The following STPG1 variants were observed in gnomAD, a reference collection of about 807,000 sequenced individuals.
The protein encoded by STPG1 is sperm tail PG-rich repeat containing 1.
STPG1 carries 33 observed loss-of-function variants against 40.1 expected under a neutral mutation model. That is an observed-to-expected ratio of 0.82 (90% confidence interval 0.62 to 1.10). The LOEUF (loss-of-function observed/expected upper bound fraction) is 1.10. Ranked by LOEUF, STPG1 falls within the 50% of genes least tolerant of loss-of-function variation. The pLI is 0.00. For synonymous variants in STPG1, 150 were observed against 155.0 expected (o/e 0.97, Z 0.24); for missense variants, 396 against 415.1 (o/e 0.95, Z 0.40).
At chr1:24,358,645 C>T (rs775524801) in intron 8 of STPG1, 26 bp from the exon 9 acceptor site, 22 of 1,582,940 alleles carry the variant, frequency 1.4e-5, no homozygotes, top group Non-Finnish European at 1.9e-5. Context: ...GAGGCGGAGG[C>T]ATTAAGAGAG....
intron 2 of STPG1, among the ~76,000 whole-genome samples, chr1:24,393,205 G>A (rs1410077519): frequency 6.6e-6 from 1 of 152,204 alleles, no homozygotes; most frequent in East Asian, 1.9e-4. Context: ...CCTCTAGTAA[G>A]TGCTCAATAA....
At position 24,359,166 on chromosome 1, in the gene STPG1, G is replaced by A. The variant is rs914730541; in HGVS notation, c.929-547C>T. On this transcript the variant is annotated intron_variant, in intron 8 of 8. Coordinates refer to ENST00000337248, the MANE Select transcript of STPG1 (RefSeq NM_001199013.2). This position sits in a 1 kb window ranked among gnomAD's most constrained non-coding sequence, Gnocchi z 5.3. ...AGCCCATGGTAGTCCAGGTATACCTGAGTTTACTGGAAGCTGAGCAGGCAG... is the reference window on the plus strand; with the variant it reads ...AGCCCATGGTAGTCCAGGTATACCTAAGTTTACTGGAAGCTGAGCAGGCAG... 6.6e-6 allele frequency among the ~76,000 whole-genome samples: 1 copy of A among 152,200 alleles called. No homozygotes were observed. Among genetic ancestry groups the A allele is most frequent in the African/African-American group, 2.4e-5 (1 of 41,456 alleles).
intron 7 of STPG1, chr1:24,364,446 C>T: frequency 6.9e-7 from 1 of 1,440,194 alleles, no homozygotes; most frequent in Non-Finnish European, 9.1e-7. Flanking sequence ...AGTATGTGGC[C>T]CCTGAATACA....
At chr1:24,381,934 G>A (rs1642303102) in intron 4 of STPG1, among the ~76,000 whole-genome samples, 2 of 152,172 alleles carry the variant, frequency 1.3e-5, no homozygotes, top group Admixed American at 1.3e-4. Flanking sequence ...GATCGCCATC[G>A]ACCACTTCAG....
At chr1:24,391,796 C>A (rs999583404) in intron 2 of STPG1, 117 bp from the exon 3 acceptor site, 1 of 1,195,060 alleles carries the variant, frequency 8.4e-7, no homozygotes, top group Non-Finnish European at 1.1e-6. Context: ...GAGAAACTTG[C>A]CTTTTGACAG....
rs1047997404 is a variant in STPG1, at chr1:24,392,064, T to C, written c.71-385A>G. On this transcript the variant is annotated intron_variant, in intron 2 of 8. Transcript: ENST00000337248. The stretch of plus-strand genomic sequence containing the variant: ...CAGAGGAAGCGTCCTCACTGCTCCT[T>C]GGCCTAGATTCAGACACCAGCATTA... The C allele has an allele frequency of 4.0e-6, 4 of 997,564 alleles. No homozygotes were observed. The African/African-American group carries it at 5.2e-5, about 13-fold the overall frequency. 61.8% of individuals were successfully genotyped at this position (997,564 alleles called of 1,614,324 possible).
intron 3 of STPG1, chr1:24,391,291 T>C (rs1244794002): frequency 8.1e-6 from 2 of 248,122 alleles, no homozygotes; most frequent in Non-Finnish European, 1.5e-5. Context: ...TTTTAAAATA[T>C]ATTGTTTTCT....
rs1569943716 is a variant in STPG1, at chr1:24,357,583, G to T, written c.*960C>A. On this transcript the variant is annotated 3_prime_UTR_variant, in exon 9 of 9. Coordinates refer to ENST00000337248, the MANE Select transcript of STPG1 (RefSeq NM_001199013.2). ...GAACCACTTCTCTGGAGAGGCCACAGTTGTACAGGCCTTGGAGGCTTTGTA... is the reference window on the plus strand; with the variant it reads ...GAACCACTTCTCTGGAGAGGCCACATTTGTACAGGCCTTGGAGGCTTTGTA... 6.3e-6 allele frequency: 1 copy of T among 158,574 alleles called. No homozygotes were observed. The highest frequency in any genetic ancestry group is 2.4e-5 in the African/African-American group (1 of 41,512). 9.8% of individuals were successfully genotyped at this position (158,574 alleles called of 1,614,324 possible). A position where few individuals can be genotyped will look rare whatever the true frequency, so the allele number is the denominator to read the frequency against.
At chr1:24,364,086 A>G in intron 7 of STPG1, 1 of 1,429,548 alleles carries the variant, frequency 7.0e-7, no homozygotes, top group Non-Finnish European at 9.2e-7. Context: ...AACACAGTTC[A>G]GCAACTCCAT....
intron 2 of STPG1, among the ~76,000 whole-genome samples, chr1:24,394,713 A>G (rs1452280758): frequency 1.3e-5 from 2 of 152,192 alleles, no homozygotes; most frequent in Non-Finnish European, 2.9e-5. Flanking sequence ...TGAGATGAAT[A>G]GCAAATTAGA....
In STPG1 at chr1:24,369,802, C is replaced by T. The variant is rs773013560; in HGVS notation, c.609G>A (p.Ser203=). ...TAAAACAAGACATTAATGTATTTGGCGACTGCTTCACAAGGGATTCGTTGA... is the reference window on the plus strand; with the variant it reads ...TAAAACAAGACATTAATGTATTTGGTGACTGCTTCACAAGGGATTCGTTGA... ...YDINESLVKQ[S]PNTLMSCFKS... is the part of the protein sequence containing the mutation. Residue 203 remains serine, a synonymous_variant, in exon 7 of 9, where the codon TCG becomes TCA. Coordinates refer to ENST00000337248, the MANE Select transcript of STPG1 (RefSeq NM_001199013.2). 16 of 1,611,048 alleles carry T rather than the reference C, an allele frequency of 9.9e-6. No individual in the cohort carries two copies. Among genetic ancestry groups the T allele is most frequent in the East Asian group, 6.7e-5 (3 of 44,784 alleles).
intron 7 of STPG1, among the ~76,000 whole-genome samples, chr1:24,362,753 G>C (rs942027814): frequency 6.6e-6 from 1 of 152,184 alleles, no homozygotes. Context: ...TGGTCAGAGA[G>C]GACACTGAAA....
At position 24,357,500 on chromosome 1, in the gene STPG1, C is replaced by T. The variant is rs2148671664; in HGVS notation, c.*1043G>A. On this transcript the variant is annotated 3_prime_UTR_variant, in exon 9 of 9. Transcript: ENST00000337248. ...GTTAAATCAGCATTTGTGGGTGGGCCCCAGGCCTCAGTACTTTTTAAAGTC... is the reference window on the plus strand; with the variant it reads ...GTTAAATCAGCATTTGTGGGTGGGCTCCAGGCCTCAGTACTTTTTAAAGTC... The T allele has an allele frequency of 1.3e-5, 2 of 152,996 alleles. No homozygotes were observed. The highest frequency in any genetic ancestry group is 4.1e-4 in the South Asian group (2 of 4,838). 9.5% of individuals were successfully genotyped at this position (152,996 alleles called of 1,614,324 possible).
At chr1:24,384,924 C>T (rs1337549781) in intron 3 of STPG1, among the ~76,000 whole-genome samples, 1 of 152,214 alleles carries the variant, frequency 6.6e-6, no homozygotes, top group South Asian at 2.1e-4. Context: ...GCCAAGCGCA[C>T]GGTGTGTGCT....
At chr1:24,407,496 C>A (rs1643460700) in intron 1 of STPG1, among the ~76,000 whole-genome samples, 1 of 146,886 alleles carries the variant, frequency 6.8e-6, no homozygotes, top group Admixed American at 6.9e-5. Context: ...GGCTGGATTG[C>A]AGTGGCGCAA....
chr1:24,413,084 T>A (rs1643792707), intron 1 of STPG1, among the ~76,000 whole-genome samples: 1 of 152,232 alleles, frequency 6.6e-6, no homozygotes, highest in South Asian at 2.1e-4. Flanking sequence ...TATAAGCATC[T>A]TGGAAGCAGC....
At position 24,405,113 on chromosome 1, in the gene STPG1, C is replaced by T. The variant is rs529001305; in HGVS notation, c.-68-3657G>A. On this transcript the variant is annotated intron_variant, in intron 1 of 8. Coordinates refer to ENST00000337248, the MANE Select transcript of STPG1 (RefSeq NM_001199013.2). Reference sequence around the variant, plus strand: ...GCTGGGATTACAGGCACTCCCACCACACCTGGCTAATTTTTTGTATTTTTA... The same window carrying T: ...GCTGGGATTACAGGCACTCCCACCATACCTGGCTAATTTTTTGTATTTTTA... 2.0e-5 allele frequency among the ~76,000 whole-genome samples: 3 copies of T among 152,262 alleles called. No individual in the cohort carries two copies. In the South Asian group the frequency reaches 6.2e-4, roughly 32 times the overall value.
rs1640772639 is a variant in STPG1 at position 24,357,174 on chromosome 1, C to T, written c.*1369G>A. On this transcript the variant is annotated 3_prime_UTR_variant, in exon 9 of 9. Coordinates refer to ENST00000337248, the MANE Select transcript of STPG1 (RefSeq NM_001199013.2). ...CTTGCCTGCCCCTGTGGGAGGGACC[C>T]AGTGGGGCACCCAGAGTTGCTCTGC... 1 of 152,150 alleles carries T rather than the reference C, an allele frequency of 6.6e-6. No homozygotes were observed. The highest frequency in any genetic ancestry group is 2.1e-4 in the South Asian group (1 of 4,828). 9.4% of individuals were successfully genotyped at this position (152,150 alleles called of 1,614,324 possible). A position where few individuals can be genotyped will look rare whatever the true frequency, so the allele number is the denominator to read the frequency against.
intron 8 of STPG1, 122 bp from the exon 9 acceptor site, chr1:24,358,741 C>G: frequency 1.5e-6 from 1 of 673,892 alleles, no homozygotes; most frequent in Non-Finnish European, 2.6e-6. Flanking sequence ...GTATCTTACA[C>G]GTGGGGAGAC....
Sources: gnomAD v4.1 joint callset for allele counts (sites outside exome capture counted in the v4.1 genomes callset) on GRCh38, gnomAD v4.1.1 for gene constraint, Gnocchi (gnomAD v3.1) non-coding constraint, MANE v1.5 for transcripts, NCBI Gene and HGNC (gene_info 2026-07-23, HGNC 2026-07-21) for gene names.